Variants in HRH1 observed in about 807,000 individuals in gnomAD.
HRH1 encodes histamine H1 receptor.
HRH1 carries 6 observed loss-of-function variants against 10.3 expected under a neutral mutation model. That is an observed-to-expected ratio of 0.58 (90% CI 0.32 to 1.15). The LOEUF (loss-of-function observed/expected upper bound fraction) is 1.15, where lower values mean the gene tolerates loss of function less well. HRH1 is among the 50% of genes most tolerant of loss of function. HRH1 has a pLI of 0.05. For missense variants in HRH1, 514 were observed against 615.3 expected (o/e 0.84, Z 1.74); for synonymous variants, 242 against 236.7 (o/e 1.02, Z -0.21).
At chr3:11,234,842 T>C (rs893186562) in intron 1 of HRH1, among the ~76,000 whole-genome samples, 1 of 152,234 alleles carries the variant, frequency 6.6e-6, no homozygotes, top group Non-Finnish European at 1.5e-5. Context: ...ATATTTTCTG[T>C]TTCTTTGCTG....
At chr3:11,177,641 G>A (rs1011736902) in intron 1 of HRH1, among the ~76,000 whole-genome samples, 1 of 152,226 alleles carries the variant, frequency 6.6e-6, no homozygotes, top group South Asian at 2.1e-4. Context: ...CTTGAGAGCA[G>A]AGACTTTGTC....
At chr3:11,166,514 C>T (rs955845703) in intron 1 of HRH1, among the ~76,000 whole-genome samples, 17 of 152,158 alleles carry the variant, frequency 1.1e-4, no homozygotes, top group African/African-American at 4.1e-4. Context: ...CTTCTCCAGG[C>T]CCGTGACATC....
chr3:11,181,994 T>C (rs978600370), intron 1 of HRH1, among the ~76,000 whole-genome samples: 1 of 151,972 alleles, frequency 6.6e-6, no homozygotes, highest in Non-Finnish European at 1.5e-5. Context: ...CTTTCTTTTA[T>C]GTTTCTGAGG....
intron 1 of HRH1, among the ~76,000 whole-genome samples, chr3:11,138,228 T>C (rs1936222098): frequency 6.8e-6 from 1 of 147,324 alleles, no homozygotes; most frequent in Non-Finnish European, 1.5e-5. Flanking sequence ...TTCACCGTGT[T>C]AGCCAGGATG....
intron 1 of HRH1, among the ~76,000 whole-genome samples, chr3:11,212,555 G>C (rs567609011): frequency 1.3e-5 from 2 of 152,156 alleles, no homozygotes; most frequent in Admixed American, 1.3e-4. Flanking sequence ...AGAGACTCCC[G>C]GCAACCAAGG....
upstream of HRH1, among the ~76,000 whole-genome samples, chr3:11,152,257 G>C (rs1936649168): frequency 6.6e-6 from 1 of 152,162 alleles, no homozygotes; most frequent in Non-Finnish European, 1.5e-5. Flanking sequence ...CAGTAAGCAT[G>C]GGGCTGTTAC....
Position 11,209,166 on chromosome 3 carries a change from A to T in HRH1, c.-35-49837A>T, listed in dbSNP as rs369833960. ...GAGTGCAGTAGTATGATTATAGCTC[A>T]CTGCAGTCTCAAATAACTGGGCTCA... On this transcript the variant is annotated intron_variant, in intron 1 of 1. Transcript: ENST00000431010. Among the ~76,000 whole-genome samples, 10 of 152,354 alleles carry T rather than the reference A, an allele frequency of 6.6e-5. No individual in the cohort carries two copies. In the East Asian group the frequency reaches 1.5e-3, roughly 23 times the overall value.
At chr3:11,215,067 T>G (rs1157537166) in intron 1 of HRH1, among the ~76,000 whole-genome samples, 1 of 152,224 alleles carries the variant, frequency 6.6e-6, no homozygotes, top group African/African-American at 2.4e-5. Flanking sequence ...CATGGAGAGC[T>G]GTGAAAATTC....
rs142076792 is a variant in HRH1, at chr3:11,259,499, C to G, written c.462C>G (p.Leu154=). 5.0e-6 allele frequency: 8 copies of G among 1,614,002 alleles called. No homozygotes were observed. In the African/African-American group the frequency reaches 9.3e-5, roughly 19 times the overall value. The change falls in exon 2 of 2, where the codon CTC becomes CTG. Residue 154 remains leucine (L), a synonymous_variant. Coordinates refer to ENST00000431010, the MANE Select transcript of HRH1 (RefSeq NM_001098212.2). The surrounding 1 kb of genome is among the most constrained non-coding windows in gnomAD (Gnocchi z 4.6). ...ASATILGAWF[L]SFLWVIPILG... ...CCACCATTCTGGGGGCCTGGTTTCT[C>G]TCTTTTCTGTGGGTTATTCCCATTC...
chr3:11,169,953 A>G (rs912288206), intron 1 of HRH1, among the ~76,000 whole-genome samples: 9 of 152,196 alleles, frequency 5.9e-5, no homozygotes, highest in African/African-American at 1.9e-4. Context: ...ACTGTCCCGC[A>G]ACTCTCACTG....
intron 1 of HRH1, among the ~76,000 whole-genome samples, chr3:11,202,402 C>CTCAATCAA (rs1280190365): frequency 9.6e-5 from 4 of 41,616 alleles, no homozygotes; most frequent in Non-Finnish European, 1.7e-4. Flanking sequence ...AAGACTCCAT[C>CTCAATCAA]TCAATAAATA....
intron 1 of HRH1, among the ~76,000 whole-genome samples, chr3:11,223,670 C>T (rs1938789182): frequency 6.6e-6 from 1 of 152,220 alleles, no homozygotes. Flanking sequence ...ACTCCAGCTA[C>T]AGCAGCAAGC....
At chr3:11,240,912 G>A (rs1019061585) in intron 1 of HRH1, among the ~76,000 whole-genome samples, 2 of 152,198 alleles carry the variant, frequency 1.3e-5, no homozygotes, top group African/African-American at 4.8e-5. Context: ...ATGATGAAGA[G>A]GATAGAGAAG....
rs889723442 is a variant in HRH1 at position 11,234,413 on chromosome 3, C to T, written c.-35-24590C>T. The T allele has an allele frequency of 3.7e-5, 59 of 1,604,514 alleles. No individual in the cohort carries two copies. The East Asian group carries it at 1.0e-3, about 28-fold the overall frequency. On this transcript the variant is annotated intron_variant, in intron 1 of 1. Transcript: ENST00000431010. ...CAGGCATTCCTGCATGGCCCGGAACCGGTCTACACAGTCTGACCCCTTGAT... is the reference window on the plus strand; with the variant it reads ...CAGGCATTCCTGCATGGCCCGGAACTGGTCTACACAGTCTGACCCCTTGAT...
At chr3:11,171,192 G>A (rs916202673) in intron 1 of HRH1, among the ~76,000 whole-genome samples, 2 of 150,190 alleles carry the variant, frequency 1.3e-5, no homozygotes, top group African/African-American at 5.0e-5. Flanking sequence ...TCTCAGCTCA[G>A]TGTAACCTTC....
intron 1 of HRH1, among the ~76,000 whole-genome samples, chr3:11,172,919 GTC>G (rs1453411578): frequency 6.6e-6 from 1 of 152,040 alleles, no homozygotes; most frequent in Non-Finnish European, 1.5e-5. Context: ...AGCCAGGATG[GTC>G]TTCCTGATCT....
At position 11,163,421 on chromosome 3, in the gene HRH1, A is replaced by G. The variant is rs534059534; in HGVS notation, c.-36+8867A>G. The stretch of plus-strand genomic sequence containing the variant: ...GCATTGGACAAGAGCAAGTGGCAGA[A>G]TGACCTGGCCAGCCTCAGAAGGCAG... On this transcript the variant is annotated intron_variant, in intron 1 of 1. Transcript: ENST00000431010. Among the ~76,000 whole-genome samples the G allele has an allele frequency of 3.1e-3, 476 of 152,358 alleles. 1 individual carries two copies. Among genetic ancestry groups the G allele is most frequent in the Non-Finnish European group, 5.0e-3 (343 of 68,028 alleles).
intron 1 of HRH1, among the ~76,000 whole-genome samples, chr3:11,173,343 TAGTC>T (rs772441979): frequency 8.5e-5 from 13 of 152,170 alleles, no homozygotes; most frequent in Non-Finnish European, 1.9e-4. Context: ...CATTAGGAAA[TAGTC>T]AAGAAAGGGT....
intron 1 of HRH1, among the ~76,000 whole-genome samples, chr3:11,183,450 G>C (rs1937394349): frequency 6.6e-6 from 1 of 152,194 alleles, no homozygotes; most frequent in African/African-American, 2.4e-5. Context: ...GTAGGTAGGG[G>C]TCGGGGATGC....
Sources: gnomAD v4.1 joint callset for allele counts (sites outside exome capture counted in the v4.1 genomes callset) on GRCh38, gnomAD v4.1.1 for gene constraint, Gnocchi (gnomAD v3.1) non-coding constraint, MANE v1.5 for transcripts, NCBI Gene and HGNC (gene_info 2026-07-23, HGNC 2026-07-21) for gene names.